XPC: variants seen among roughly 807,000 people sequenced by gnomAD.
XPC encodes the protein DNA repair protein complementing XP-C cells.
In XPC, 76 loss-of-function variants were observed where a neutral mutation model predicts 95.8. The observed-to-expected ratio is 0.79, with a 90% CI of 0.66 to 0.96. The LOEUF is 0.96. Among genes scored for constraint, XPC ranks in the 40% least tolerant of loss-of-function variants. XPC has a pLI of 0.00. For synonymous variants in XPC, 442 were observed against 442.1 expected, an observed-to-expected ratio of 1.00 and a Z score of 0.00; for missense variants, 1,146 against 1,179.8, an observed-to-expected ratio of 0.97 and a Z score of 0.42.
chr3:14,173,867 C>T (rs1379878195), intron 1 of XPC, among the ~76,000 whole-genome samples: 2 of 152,110 alleles, frequency 1.3e-5, no homozygotes, highest in African/African-American at 2.4e-5. Flanking sequence ...TTTGTCTTTG[C>T]ATGACTCTGC....
At chr3:14,152,190 T>C in intron 11 of XPC, 145 bp downstream of exon 11, 4 of 622,836 alleles carry the variant, frequency 6.4e-6, no homozygotes, top group Non-Finnish European at 1.1e-5. Context: ...CCTTGAATCC[T>C]GCTCAAGCCG....
At chr3:14,156,779 T>C (rs1424590558) in intron 9 of XPC, among the ~76,000 whole-genome samples, 1 of 152,184 alleles carries the variant, frequency 6.6e-6, no homozygotes, top group Non-Finnish European at 1.5e-5. Flanking sequence ...CCAGCAGATG[T>C]GTTAAAGGTC....
At chr3:14,168,441 T>C in intron 3 of XPC, 61 bp from the exon 4 acceptor site, 2 of 1,590,238 alleles carry the variant, frequency 1.3e-6, no homozygotes, top group South Asian at 2.3e-5. Context: ...GCTACTGTAC[T>C]GAACAGAATC....
chr3:14,159,748 G>A lies in XPC; in HGVS notation c.983C>T (p.Thr328Ile), dbSNP rs978723067. The A allele has an allele frequency of 2.6e-6, 4 of 1,561,998 alleles. No individual in the cohort carries two copies. In the African/African-American group the frequency reaches 4.1e-5, roughly 16 times the overall value. ...CAGCCCTGCGCACCTCACCTTTGCTGTTGCTGACTTCAGAGGAATTGGCTG... is the reference window on the plus strand; with the variant it reads ...CAGCCCTGCGCACCTCACCTTTGCTATTGCTGACTTCAGAGGAATTGGCTG... The part of the protein sequence containing the change: ...SLQPIPLKSA[T>I]AKGKKPSKER... Residue 328 changes from threonine to isoleucine, a missense_variant, in exon 8 of 16, where the codon ACA (threonine) becomes ATA (isoleucine). By Grantham distance (89) the Thr-to-Ile change is moderately conservative. Transcript: ENST00000285021.
intron 1 of XPC, among the ~76,000 whole-genome samples, chr3:14,174,454 G>A (rs991103095): frequency 6.6e-6 from 1 of 152,162 alleles, no homozygotes; most frequent in African/African-American, 2.4e-5. Context: ...GCACGTAGGA[G>A]GATACTTCAG....
In XPC at chr3:14,152,386, G is replaced by A. The variant is rs763158405; in HGVS notation, c.2064C>T (p.Asp688=). 1.9e-6 allele frequency: 3 copies of A among 1,613,248 alleles called. No homozygotes were observed. The South Asian group carries it at 3.3e-5, about 18-fold the overall frequency. ...RDCVHTLHSR[D]TWLKKARVVR... Reference sequence around the variant, plus strand: ...CCACTCTTGCTTTCTTCAGCCACGTGTCCCTGGAATGCAGAGTGTGCACAC... The same window carrying A: ...CCACTCTTGCTTTCTTCAGCCACGTATCCCTGGAATGCAGAGTGTGCACAC... Residue 688 remains aspartate, a synonymous_variant, in exon 11 of 16, where the codon GAC becomes GAT. Transcript: ENST00000285021.
intron 10 of XPC, among the ~76,000 whole-genome samples, chr3:14,155,128 C>A (rs1201689273): frequency 6.6e-6 from 1 of 152,168 alleles, no homozygotes; most frequent in Non-Finnish European, 1.5e-5. Flanking sequence ...ATGCCCCCCA[C>A]CGACATCAAA....
Position 14,158,314 on chromosome 3 carries a change from T to G in XPC, c.1569A>C (p.Arg523Ser), listed in dbSNP as rs1696008661. 5.6e-6 allele frequency: 9 copies of G among 1,614,012 alleles called. 1 individual carries two copies. The African/African-American group carries it at 9.3e-5, about 17-fold the overall frequency. ...MCSDGEKAEKRSIAGIDQWLE... is the reference protein window; with the variant it reads ...MCSDGEKAEKSSIAGIDQWLE... ...GCCACTGGTCTATACCAGCTATGCT[T>G]CTTTTTTCTGCCTTCTCACCATCGC... Residue 523 changes from arginine to serine, a missense_variant, in exon 9 of 16, where the codon AGA becomes AGC. Physicochemically the swap from Arg to Ser is moderately radical, Grantham distance 110. Coordinates refer to ENST00000285021, the MANE Select transcript of XPC (RefSeq NM_004628.5). This position sits in a 1 kb window ranked among gnomAD's most constrained non-coding sequence, Gnocchi z 5.2.
chr3:14,177,650 T>C (rs1440059649), intron 1 of XPC, among the ~76,000 whole-genome samples: 2 of 151,482 alleles, frequency 1.3e-5, no homozygotes, highest in East Asian at 3.9e-4. Context: ...ACAACTGGAT[T>C]TTAAGCTAAG....
At chr3:14,164,551 C>A (rs1185219333) in intron 7 of XPC, 1 of 338,218 alleles carries the variant, frequency 3.0e-6, no homozygotes. Context: ...CTTTTTGGTA[C>A]ACCACAACTA....
chr3:14,158,269 C>A lies in XPC; in HGVS notation c.1614G>T (p.Gln538His), dbSNP rs370565240. The change falls in exon 9 of 16, where the codon CAG becomes CAT. Residue 538 changes from glutamine to histidine, a missense_variant. Physicochemically the swap from Gln to His is conservative, Grantham distance 24. Coordinates refer to ENST00000285021, the MANE Select transcript of XPC (RefSeq NM_004628.5). This position sits in a 1 kb window ranked among gnomAD's most constrained non-coding sequence, Gnocchi z 5.2. ...IDQWLEVFCE[Q>H]EEKWVCVDCV... is the part of the protein sequence containing the mutation. ...AGTCTACACATACCCACTTTTCCTC[C>A]TGCTCACAGAACACCTCTAGCCACT... is the stretch of plus-strand genomic sequence containing the variant. 2 of 1,613,914 alleles carry A rather than the reference C, an allele frequency of 1.2e-6. No homozygotes were observed. Among genetic ancestry groups the A allele is most frequent in the African/African-American group, 2.7e-5 (2 of 74,928 alleles).
At chr3:14,164,660 T>C (rs3731118) in intron 7 of XPC, 153 bp downstream of exon 7, 49 of 715,736 alleles carry the variant, frequency 6.8e-5, no homozygotes, top group Middle Eastern at 7.6e-4. Context: ...AGGCATCATG[T>C]AGCTATTCTG....
chr3:14,177,172 G>C (rs1298256276), intron 1 of XPC, among the ~76,000 whole-genome samples: 1 of 152,040 alleles, frequency 6.6e-6, no homozygotes, highest in African/African-American at 2.4e-5. Context: ...ACCAACCACA[G>C]ATGAATATAT....
chr3:14,165,518 T>G lies in XPC; in HGVS notation c.689A>C (p.His230Pro). 1 of 1,611,598 alleles carries G rather than the reference T, an allele frequency of 6.2e-7. No homozygotes were observed. Among genetic ancestry groups the G allele is most frequent in the South Asian group, 1.1e-5 (1 of 90,310 alleles). Residue 230 changes from histidine to proline, a missense_variant, in exon 6 of 16, where the codon CAT becomes CCT. By Grantham distance (77) the His-to-Pro change is moderately conservative. Transcript: ENST00000285021. ...TGGGATGATGGACAGGCCAATAGCATGCAGATCTGGCTGGCTGCAGATGTT... is the reference window on the plus strand; with the variant it reads ...TGGGATGATGGACAGGCCAATAGCAGGCAGATCTGGCTGGCTGCAGATGTT... ...RNNICSQPDL[H>P]AIGLSIIPAR...
rs1696677092 is a variant in XPC, at chr3:14,173,035, T to C, written c.131A>G (p.Lys44Arg). The part of the protein sequence containing the change: ...EDAFEDEKPP[K>R]KSLLSKVSQG... ...TGAAACTTTGGAGAGAAGGCTCTTC[T>C]TTGGGGGTTTCTCATCTTCAAAGGC... Residue 44 changes from lysine to arginine, a missense_variant, in exon 2 of 16, where the codon AAG (lysine) becomes AGG (arginine). Lys to Arg is a conservative substitution (Grantham distance 26, BLOSUM62 2). Coordinates refer to ENST00000285021, the MANE Select transcript of XPC (RefSeq NM_004628.5). 3.1e-6 allele frequency: 5 copies of C among 1,596,978 alleles called. No individual in the cohort carries two copies. In the East Asian group the frequency reaches 8.9e-5, roughly 29 times the overall value.
chr3:14,147,760 G>A (rs1695499447), intron 14 of XPC, 148 bp downstream of exon 14: 2 of 707,620 alleles, frequency 2.8e-6, no homozygotes, highest in Non-Finnish European at 4.8e-6. Flanking sequence ...GCTGTATTCA[G>A]TGCTCGCTCC....
chr3:14,152,022 A>C (rs1695711038), intron 11 of XPC, among the ~76,000 whole-genome samples: 1 of 151,924 alleles, frequency 6.6e-6, no homozygotes, highest in Non-Finnish European at 1.5e-5. Flanking sequence ...CAGGGCTCTG[A>C]CCTCCCAGGA....
chr3:14,171,844 G>A (rs975585331), intron 2 of XPC, among the ~76,000 whole-genome samples: 1 of 152,012 alleles, frequency 6.6e-6, no homozygotes, highest in African/African-American at 2.4e-5. Context: ...GGATGGGGAC[G>A]GGACGGGGCG....
rs1197704562 is a variant in XPC, at chr3:14,170,545, A to T, written c.305T>A (p.Phe102Tyr). 1.2e-6 allele frequency: 2 copies of T among 1,611,644 alleles called. No individual in the cohort carries two copies. Among genetic ancestry groups the T allele is most frequent in the African/African-American group, 2.7e-5 (2 of 74,832 alleles). The change falls in exon 3 of 16, where the codon TTT becomes TAT. Residue 102 changes from phenylalanine (F) to tyrosine (Y), a missense_variant. Phe to Tyr is a conservative substitution (Grantham distance 22). Coordinates refer to ENST00000285021, the MANE Select transcript of XPC (RefSeq NM_004628.5). Reference protein sequence around the residue: ...ALSDGDDLRDFPSDLKKAHHL... With the variant: ...ALSDGDDLRDYPSDLKKAHHL... The stretch of plus-strand genomic sequence containing the variant: ...GTGTGCCTTCTTGAGGTCACTTGGA[A>T]AGTCCCTGTGTAAAGACCACAGGAA...
Sources: gnomAD v4.1 joint callset for allele counts (sites outside exome capture counted in the v4.1 genomes callset) on GRCh38, gnomAD v4.1.1 for gene constraint, Gnocchi (gnomAD v3.1) non-coding constraint, MANE v1.5 for transcripts, NCBI Gene and HGNC (gene_info 2026-07-23, HGNC 2026-07-21) for gene names.